CEP131: variants seen among roughly 807,000 people sequenced by gnomAD.
CEP131 encodes centrosomal protein of 131 kDa.
A neutral mutation model predicts 136.8 loss-of-function variants in CEP131; 99 were observed. The observed-to-expected ratio is 0.72, with a 90% CI of 0.62 to 0.86. The LOEUF (loss-of-function observed/expected upper bound fraction) is 0.86. Ranked by LOEUF, CEP131 falls within the 40% of genes least tolerant of loss-of-function variation. The pLI is 0.00. For synonymous variants in CEP131, 646 were observed against 612.7 expected, an observed-to-expected ratio of 1.05 and a Z score of -0.80; for missense variants, 1,459 against 1,463.0, an observed-to-expected ratio of 1.00 and a Z score of 0.04.
In CEP131 at chr17:81,199,018, G is replaced by A. The variant is rs201343096; in HGVS notation, c.1193-47C>T. 155 of 1,451,630 alleles carry A rather than the reference G, an allele frequency of 1.1e-4. 1 individual carries two copies. The highest frequency in any genetic ancestry group is 1.2e-4 in the Non-Finnish European group (137 of 1,102,810). The allele number at this position is 1,451,630 out of a possible 1,614,324, so 89.9% of individuals were successfully genotyped here. Reference sequence around the variant, plus strand: ...CATTCCACAGGGAGCATCCCGGGGCGGGCAGCAACTCTGGAGGCACCCCCG... The same window carrying A: ...CATTCCACAGGGAGCATCCCGGGGCAGGCAGCAACTCTGGAGGCACCCCCG... On this transcript the variant is annotated intron_variant, in intron 10 of 25. Transcript: ENST00000450824.
chr17:81,212,193 C>T (rs1418657714), intron 2 of CEP131, among the ~76,000 whole-genome samples: 1 of 149,018 alleles, frequency 6.7e-6, no homozygotes, highest in Non-Finnish European at 1.5e-5. Flanking sequence ...CATGGTGGCA[C>T]GCACCTGTAA....
rs547673109 is a variant in CEP131 at position 81,219,908 on chromosome 17, G to C, written c.149C>G (p.Thr50Arg). Residue 50 changes from threonine to arginine, a missense_variant, in exon 2 of 26, where the codon ACA becomes AGA. Transcript: ENST00000450824. This position sits in a 1 kb window ranked among gnomAD's most constrained non-coding sequence, Gnocchi z 4.0. ...KPIVRSVSVV[T>R]GSEQKRKVLE... is the part of the protein sequence containing the mutation. ...CACCTTCCTCTTCTGCTCGCTGCCT[G>C]TGACCACGGAGACAGAGCGGACGAT... 2 of 1,610,066 alleles carry C rather than the reference G, an allele frequency of 1.2e-6. No homozygotes were observed. Among genetic ancestry groups the C allele is most frequent in the East Asian group, 4.5e-5 (2 of 44,418 alleles).
intron 2 of CEP131, among the ~76,000 whole-genome samples, chr17:81,210,118 T>C (rs958207791): frequency 4.1e-5 from 6 of 145,824 alleles, no homozygotes; most frequent in South Asian, 2.1e-4. Flanking sequence ...AAGTAGCGCT[T>C]GGGGAAGTGG....
chr17:81,194,737 G>C lies in CEP131; in HGVS notation c.2119+133C>G, dbSNP rs1423776887. 3.7e-5 allele frequency: 30 copies of C among 814,844 alleles called. 1 individual carries two copies. In the Admixed American group the frequency reaches 4.4e-4, roughly 12 times the overall value. 50.5% of individuals were successfully genotyped at this position (814,844 alleles called of 1,614,324 possible). ...GCGGAGGCCGTGACGGGGGTGGTTG[G>C]GGCATGAGTGTTCACCTCTGCCCAG... On this transcript the variant is annotated intron_variant, in intron 17 of 25. Transcript: ENST00000450824.
intron 25 of CEP131, 33 bp downstream of exon 25, chr17:81,189,882 C>T (rs1170004146): frequency 7.4e-6 from 12 of 1,612,474 alleles, no homozygotes; most frequent in African/African-American, 4.0e-5. Flanking sequence ...CTCCCAGCCC[C>T]GAGGTCCAGC....
Position 81,192,484 on chromosome 17 carries a change from G to A in CEP131, c.2539C>T (p.Arg847Trp), listed in dbSNP as rs147348755. 4.0e-5 allele frequency: 65 copies of A among 1,611,734 alleles called. No individual in the cohort carries two copies. The highest frequency in any genetic ancestry group is 3.6e-4 in the African/African-American group (27 of 74,998). The change falls in exon 20 of 26, where the codon CGG becomes TGG. Residue 847 changes from arginine to tryptophan, a missense_variant. Around this residue, in one of 3 missense-constraint regions of CEP131, gnomAD observed 1,026 missense variants for 964.2 expected, o/e 1.06. Transcript: ENST00000450824. ...GCCCTCCGGTGGTAGACCTGGTGCC[G>A]GCGCTCCTGCTCCTCCCTGCCCTTC... ...FEKGREEQER[R>W]HQMELNTLKQ...
At chr17:81,192,875 C>T (rs368306379) in intron 18 of CEP131, 32 bp from the exon 19 acceptor site, 3 of 1,581,508 alleles carry the variant, frequency 1.9e-6, no homozygotes, top group Non-Finnish European at 2.6e-6. Flanking sequence ...CTCTCGGGGG[C>T]CGGGACGGGC....
chr17:81,194,174 C>G (rs376991890), intron 17 of CEP131, 47 bp from the exon 18 acceptor site: 7 of 1,443,918 alleles, frequency 4.8e-6, no homozygotes, highest in Middle Eastern at 3.8e-4. Flanking sequence ...AGGGTGGGCC[C>G]GGGAAGTCCA....
chr17:81,193,010 G>A (rs75962815), intron 18 of CEP131, among the ~76,000 whole-genome samples, 167 bp from the exon 19 acceptor site: 13,047 of 152,304 alleles, frequency 0.086, 734 homozygotes, highest in African/African-American at 0.16. Flanking sequence ...GCCACCGCCC[G>A]GGGGCAGGCA....
At position 81,203,579 on chromosome 17, in the gene CEP131, C is replaced by T. The variant is rs147896082; in HGVS notation, c.544G>A (p.Val182Ile). Residue 182 changes from valine to isoleucine, a missense_variant, in exon 6 of 26, where the codon GTC becomes ATC. By Grantham distance (29) the Val-to-Ile change is conservative. This residue lies in a region of CEP131 where 246 missense variants were observed against 318.9 expected (regional missense o/e 0.77). Coordinates refer to ENST00000450824, the MANE Select transcript of CEP131 (RefSeq NM_014984.4). This position sits in a 1 kb window ranked among gnomAD's most constrained non-coding sequence, Gnocchi z 4.6. ...TAGCGGTTGTGCACCATGGTGGTGA[C>T]GCAGTTGCCCACTGCTCCCTTGTTG... ...RSNKGAVGNC[V>I]TTMVHNRYTP... 16 of 1,603,476 alleles carry T rather than the reference C, an allele frequency of 1.0e-5. No individual in the cohort carries two copies. Among genetic ancestry groups the T allele is most frequent in the South Asian group, 7.9e-5 (7 of 89,064 alleles).
intron 5 of CEP131, among the ~76,000 whole-genome samples, chr17:81,205,738 C>T (rs990474339): frequency 1.3e-5 from 2 of 151,972 alleles, no homozygotes; most frequent in South Asian, 2.1e-4. Context: ...ATCTCTACAA[C>T]AAATTTAAAA....
intron 3 of CEP131, among the ~76,000 whole-genome samples, chr17:81,207,929 C>A (rs1331212049): frequency 5.8e-5 from 4 of 69,270 alleles, no homozygotes; most frequent in Non-Finnish European, 9.5e-5. Flanking sequence ...ACACACACAC[C>A]ACACACCATA....
chr17:81,205,876 G>A (rs1257927750), intron 5 of CEP131, among the ~76,000 whole-genome samples: 5 of 152,272 alleles, frequency 3.3e-5, no homozygotes, highest in East Asian at 3.9e-4. Flanking sequence ...CAGGGTGACA[G>A]ATGAGAACCT....
intron 19 of CEP131, 50 bp downstream of exon 19, chr17:81,192,686 T>TGGGGGGGGGGGGGGGGGGGCCA: frequency 1.8e-6 from 1 of 563,860 alleles, no homozygotes; most frequent in African/African-American, 1.9e-5. Context: ...GGGGGAGGGG[T>TGGGGGGGGGGGGGGGGGGGCCA]CAGCCAGCGA....
chr17:81,190,185 C>A (rs1016617344), intron 24 of CEP131, among the ~76,000 whole-genome samples: 2 of 152,204 alleles, frequency 1.3e-5, no homozygotes, highest in Non-Finnish European at 2.9e-5. Context: ...ATGACCCTGG[C>A]CACACCTGGG....
In CEP131 at chr17:81,191,339, G is replaced by T; in HGVS notation, c.2623-4C>A. The T allele has an allele frequency of 6.2e-7, 1 of 1,612,564 alleles. No homozygotes were observed. Among genetic ancestry groups the T allele is most frequent in the Non-Finnish European group, 8.5e-7 (1 of 1,179,614 alleles). ...CCCGGTTCAGCAGCCACGCCTCCTG[G>T]GGGGACATGCGCTGCCTGGGGGTTG... On this transcript the variant is annotated splice_polypyrimidine_tract_variant and splice_region_variant and intron_variant, in intron 21 of 25. Transcript: ENST00000450824.
intron 3 of CEP131, among the ~76,000 whole-genome samples, chr17:81,207,537 T>C (rs181701548): frequency 6.6e-6 from 1 of 150,606 alleles, no homozygotes; most frequent in Non-Finnish European, 1.5e-5. Flanking sequence ...TTAGTAGAGA[T>C]AGGGTTTCGG....
At position 81,200,687 on chromosome 17, in the gene CEP131, G is replaced by A. The variant is rs532395107; in HGVS notation, c.789-241C>T. ...GGAAGGTGCCCAGGGGAGAGGAAAC[G>A]CCTACCCACGCAGGCCTGTGTGGCC... On this transcript the variant is annotated intron_variant, in intron 7 of 25. Transcript: ENST00000450824. Among the ~76,000 whole-genome samples, 149 of 152,320 alleles carry A rather than the reference G, an allele frequency of 9.8e-4. 1 individual carries two copies. Among genetic ancestry groups the A allele is most frequent in the South Asian group, 8.3e-4 (4 of 4,828 alleles).
rs1453753953 is a variant in CEP131, at chr17:81,203,005, A to G, written c.629+489T>C. Among the ~76,000 whole-genome samples, 2 of 151,402 alleles carry G rather than the reference A, an allele frequency of 1.3e-5. No individual in the cohort carries two copies. The highest frequency in any genetic ancestry group is 2.9e-5 in the Non-Finnish European group (2 of 67,938). Reference sequence around the variant, plus strand: ...TCCATTGAGAAAGTTCCCAAAAGTCACAGGAGTCCAGAGCCTGAGGGACCC... The same window carrying G: ...TCCATTGAGAAAGTTCCCAAAAGTCGCAGGAGTCCAGAGCCTGAGGGACCC... On this transcript the variant is annotated intron_variant, in intron 6 of 25. Coordinates refer to ENST00000450824, the MANE Select transcript of CEP131 (RefSeq NM_014984.4). This position sits in a 1 kb window ranked among gnomAD's most constrained non-coding sequence, Gnocchi z 4.6.
Sources: gnomAD v4.1 joint callset for allele counts (sites outside exome capture counted in the v4.1 genomes callset) on GRCh38, gnomAD v4.1.1 for gene constraint, gnomAD v4.1.1 regional missense constraint, Gnocchi (gnomAD v3.1) non-coding constraint, MANE v1.5 for transcripts, NCBI Gene and HGNC (gene_info 2026-07-23, HGNC 2026-07-21) for gene names.